KITLG: variants seen among roughly 807,000 people sequenced by gnomAD.
The protein encoded by KITLG is KIT ligand, also known as c-Kit ligand.
A neutral mutation model predicts 34.1 loss-of-function variants in KITLG; 13 were observed. The observed-to-expected ratio is 0.38, with a 90% CI of 0.25 to 0.61. The LOEUF is 0.61. Ranked by LOEUF, KITLG falls within the 20% of genes least tolerant of loss-of-function variation. The pLI is 0.60. For synonymous variants in KITLG, 110 were observed against 104.0 expected, an observed-to-expected ratio of 1.06 and a Z score of -0.35; for missense variants, 292 against 318.9, an observed-to-expected ratio of 0.92 and a Z score of 0.64.
At chr12:88,517,652 T>A (rs1869504520) in intron 4 of KITLG, among the ~76,000 whole-genome samples, 1 of 152,142 alleles carries the variant, frequency 6.6e-6, no homozygotes. Flanking sequence ...TTCTTTTGAA[T>A]GCCATTGGCA....
intron 3 of KITLG, among the ~76,000 whole-genome samples, chr12:88,521,893 C>T (rs942789357): frequency 2.6e-5 from 4 of 152,102 alleles, no homozygotes; most frequent in African/African-American, 9.7e-5. Context: ...TGCTTTCTAT[C>T]CCTATGTACT....
chr12:88,533,188 C>T (rs566001825), intron 2 of KITLG, among the ~76,000 whole-genome samples: 1 of 152,184 alleles, frequency 6.6e-6, no homozygotes, highest in East Asian at 1.9e-4. Flanking sequence ...AAATATTTGC[C>T]TAGGTTCTTT....
chr12:88,538,789 A>C (rs1053730596), intron 2 of KITLG, among the ~76,000 whole-genome samples: 43 of 152,132 alleles, frequency 2.8e-4, no homozygotes, highest in African/African-American at 1.0e-3. Context: ...TTGACGGAAA[A>C]TTTTACCAAA....
intron 1 of KITLG, among the ~76,000 whole-genome samples, chr12:88,560,705 C>T (rs960717065): frequency 4.6e-5 from 7 of 152,166 alleles, no homozygotes; most frequent in African/African-American, 1.7e-4. Flanking sequence ...CGCTGTGGCT[C>T]ACGCCTGTAA....
At chr12:88,549,059 A>G (rs1870809811) in intron 1 of KITLG, among the ~76,000 whole-genome samples, 1 of 152,338 alleles carries the variant, frequency 6.6e-6, no homozygotes, top group South Asian at 2.1e-4. Context: ...CTGTGGGAAG[A>G]GTACTGCATA....
At chr12:88,517,955 C>G (rs926944741) in intron 4 of KITLG, among the ~76,000 whole-genome samples, 1 of 152,078 alleles carries the variant, frequency 6.6e-6, no homozygotes, top group Non-Finnish European at 1.5e-5. Flanking sequence ...TATACCAAAT[C>G]AGGTCTCCTA....
chr12:88,531,500 A>G (rs1431189182), intron 3 of KITLG, among the ~76,000 whole-genome samples: 1 of 152,206 alleles, frequency 6.6e-6, no homozygotes, highest in East Asian at 1.9e-4. Context: ...TGCTTGAAAT[A>G]TTTCTTAATG....
At chr12:88,527,307 C>T (rs183319429) in intron 3 of KITLG, among the ~76,000 whole-genome samples, 16 of 152,200 alleles carry the variant, frequency 1.1e-4, no homozygotes, top group Admixed American at 9.2e-4. Context: ...TCTGTCTATT[C>T]AGGAAGAATC....
chr12:88,550,760 C>A (rs569083029), intron 1 of KITLG, among the ~76,000 whole-genome samples: 1 of 152,042 alleles, frequency 6.6e-6, no homozygotes, highest in Non-Finnish European at 1.5e-5. Context: ...AACTGTGATG[C>A]GATAGCAGAT....
intron 2 of KITLG, among the ~76,000 whole-genome samples, chr12:88,540,929 T>C (rs1386917482): frequency 6.6e-6 from 1 of 152,146 alleles, no homozygotes; most frequent in African/African-American, 2.4e-5. Context: ...TTCAAACTAT[T>C]ATTTTTCGAA....
rs139161455 is a variant in KITLG, at chr12:88,574,870, G to T, written c.15+5394C>A. On this transcript the variant is annotated intron_variant, in intron 1 of 9. Transcript: ENST00000644744. ...GAAAGTAAAGATCCTCTTTAACTAT[G>T]GATTTTGCTAAAACAGGAAAGTGTA... Among the ~76,000 whole-genome samples, 35 of 152,234 alleles carry T rather than the reference G, an allele frequency of 2.3e-4. No homozygotes were observed. The East Asian group carries it at 4.6e-3, about 20-fold the overall frequency.
At chr12:88,547,734 T>A (rs891234172) in intron 1 of KITLG, among the ~76,000 whole-genome samples, 2 of 152,220 alleles carry the variant, frequency 1.3e-5, no homozygotes, top group Non-Finnish European at 2.9e-5. Context: ...CATAATCATA[T>A]CCTTTGCTCA....
intron 9 of KITLG, among the ~76,000 whole-genome samples, chr12:88,498,650 G>A (rs912822699): frequency 1.8e-4 from 27 of 152,260 alleles, no homozygotes; most frequent in African/African-American, 4.6e-4. Flanking sequence ...TGAGGTAGGC[G>A]GATCATCTGA....
At chr12:88,522,559 T>C (rs1311677278) in intron 3 of KITLG, among the ~76,000 whole-genome samples, 1 of 151,672 alleles carries the variant, frequency 6.6e-6, no homozygotes, top group East Asian at 1.9e-4. Flanking sequence ...TCCTGAGTAG[T>C]TGGGATTACG....
intron 1 of KITLG, among the ~76,000 whole-genome samples, chr12:88,573,970 A>C (rs189805111): frequency 1.3e-5 from 2 of 152,236 alleles, no homozygotes; most frequent in African/African-American, 4.8e-5. Flanking sequence ...CCATGTTCTA[A>C]TCAGCAGCAT....
At chr12:88,511,400 C>T (rs1420820264) in intron 6 of KITLG, among the ~76,000 whole-genome samples, 1 of 152,170 alleles carries the variant, frequency 6.6e-6, no homozygotes, top group Non-Finnish European at 1.5e-5. Flanking sequence ...TTCAGCTCTC[C>T]TGTCTGGGGT....
At chr12:88,540,042 A>G (rs1012576333) in intron 2 of KITLG, among the ~76,000 whole-genome samples, 2 of 152,108 alleles carry the variant, frequency 1.3e-5, no homozygotes, top group African/African-American at 4.8e-5. Flanking sequence ...ATAAACTACA[A>G]TATTTAGGGA....
chr12:88,577,886 A>G (rs1313499756), intron 1 of KITLG, among the ~76,000 whole-genome samples: 2 of 152,190 alleles, frequency 1.3e-5, no homozygotes, highest in Non-Finnish European at 2.9e-5. Flanking sequence ...ATTTTAAAAT[A>G]TTACTATAAA....
At chr12:88,546,944 A>G (rs186664076) in intron 1 of KITLG, among the ~76,000 whole-genome samples, 9 of 152,322 alleles carry the variant, frequency 5.9e-5, no homozygotes, top group Admixed American at 5.9e-4. Context: ...GCAGGAAGAC[A>G]GTGCCAAGAA....
Sources: gnomAD v4.1 joint callset for allele counts (sites outside exome capture counted in the v4.1 genomes callset) on GRCh38, gnomAD v4.1.1 for gene constraint, MANE v1.5 for transcripts, NCBI Gene and HGNC (gene_info 2026-07-23, HGNC 2026-07-21) for gene names.